TRMT11: variants seen among roughly 807,000 people sequenced by gnomAD.
The protein encoded by TRMT11 is tRNA methyltransferase 11.
TRMT11 carries 53 observed loss-of-function variants against 62.8 expected under a neutral mutation model. The observed-to-expected ratio is 0.84, with a 90% CI of 0.68 to 1.06. The LOEUF (loss-of-function observed/expected upper bound fraction) is 1.06, where lower values mean the gene tolerates loss of function less well. TRMT11 is among the 50% of genes least tolerant of loss of function. The pLI, the probability that TRMT11 is intolerant of heterozygous loss-of-function variation, is 0.00. For missense variants in TRMT11, 556 were observed against 553.4 expected (o/e 1.00, Z -0.05); for synonymous variants, 188 against 190.3 (o/e 0.99, Z 0.10).
the TRMT11 span, among the ~76,000 whole-genome samples, chr6:126,238,403 A>G: frequency 4.6e-5 from 7 of 151,878 alleles, no homozygotes; most frequent in African/African-American, 1.2e-4. Context: ...AGATTCTGGT[A>G]TGTTGTATCT....
intron 2 of TRMT11, among the ~76,000 whole-genome samples, chr6:125,995,322 G>C (rs960096018): frequency 1.3e-5 from 2 of 152,170 alleles, no homozygotes; most frequent in Non-Finnish European, 2.9e-5. Context: ...AATGAGGTCA[G>C]GATCCTTTTG....
chr6:126,069,403 T>C (rs1435397393), intron 17 of TRMT11, among the ~76,000 whole-genome samples: 1 of 152,254 alleles, frequency 6.6e-6, no homozygotes, highest in Non-Finnish European at 1.5e-5. Flanking sequence ...TCTGAAAATA[T>C]CCCCAAAGCA....
Position 125,987,427 on chromosome 6 carries a change from A to G in TRMT11, c.72+805A>G, listed in dbSNP as rs570566018. On this transcript the variant is annotated intron_variant, in intron 1 of 12. Transcript: ENST00000334379. ...AGTTATGTGGCAGAGTGGTAAGAAG[A>G]GAGCAAGGGAAGTAGATCGAGGCCA... Among the ~76,000 whole-genome samples, 12 of 152,334 alleles carry G rather than the reference A, an allele frequency of 7.9e-5. No individual in the cohort carries two copies. In the South Asian group the frequency reaches 2.5e-3, roughly 32 times the overall value.
chr6:125,999,468 A>G lies in TRMT11; in HGVS notation c.534A>G (p.Gly178=), dbSNP rs768939473. The part of the protein sequence containing the change: ...NIYFGRWIAD[G]QRELIESYSV... ...TATCTCTGATTTAGATTGCAGATGG[A>G]CAGAGAGAGCTTATTGAGTCATACA... Residue 178 remains glycine, a synonymous_variant, in exon 7 of 13, where the codon GGA becomes GGG. Transcript: ENST00000334379. 15 of 1,602,098 alleles carry G rather than the reference A, an allele frequency of 9.4e-6. No individual in the cohort carries two copies. The East Asian group carries it at 3.1e-4, about 34-fold the overall frequency.
chr6:126,131,565 C>T (rs1777783817), intron 21 of TRMT11, among the ~76,000 whole-genome samples: 1 of 151,954 alleles, frequency 6.6e-6, no homozygotes, highest in Non-Finnish European at 1.5e-5. Flanking sequence ...CAGACTGCCC[C>T]TCCTGGAGAC....
chr6:126,016,581 G>C (rs1795012298), intron 11 of TRMT11, among the ~76,000 whole-genome samples: 1 of 152,012 alleles, frequency 6.6e-6, no homozygotes, highest in South Asian at 2.1e-4. Flanking sequence ...TTTAAAAAGT[G>C]GCCACTGGAT....
chr6:126,065,041 A>G (rs1776647193), intron 17 of TRMT11, among the ~76,000 whole-genome samples: 1 of 152,212 alleles, frequency 6.6e-6, no homozygotes, highest in Admixed American at 6.5e-5. Context: ...GAGCATTTCC[A>G]TTCACAGCTG....
intron 21 of TRMT11, among the ~76,000 whole-genome samples, chr6:126,164,477 G>T (rs1310321441): frequency 6.6e-6 from 1 of 152,210 alleles, no homozygotes; most frequent in African/African-American, 2.4e-5. Flanking sequence ...GAGTTTTGTA[G>T]ATGTGTATTA....
chr6:126,190,495 A>G (rs1232004486), intron 1 of TRMT11, among the ~76,000 whole-genome samples: 2 of 152,096 alleles, frequency 1.3e-5, no homozygotes, highest in South Asian at 2.1e-4. Context: ...CCTCCCATCC[A>G]TGCTTTCTGT....
At chr6:126,094,936 C>T (rs375980062) in intron 17 of TRMT11, among the ~76,000 whole-genome samples, 40 of 152,214 alleles carry the variant, frequency 2.6e-4, no homozygotes, top group Non-Finnish European at 4.3e-4. Context: ...TGAAAGAAGC[C>T]GGCTTGAGAA....
intron 17 of TRMT11, among the ~76,000 whole-genome samples, chr6:126,055,924 T>A (rs1776361181): frequency 1.3e-5 from 2 of 152,214 alleles, no homozygotes; most frequent in African/African-American, 4.8e-5. Context: ...CTTCTTCTCC[T>A]TCTCGTGGGT....
chr6:126,020,787 T>A (rs1263636698), intron 11 of TRMT11, among the ~76,000 whole-genome samples: 1 of 152,244 alleles, frequency 6.6e-6, no homozygotes, highest in East Asian at 1.9e-4. Flanking sequence ...TATAAAAATC[T>A]ACAGATGAAT....
At chr6:126,035,225 T>C (rs967951896) in intron 12 of TRMT11, among the ~76,000 whole-genome samples, 5 of 152,108 alleles carry the variant, frequency 3.3e-5, no homozygotes, top group Non-Finnish European at 7.4e-5. Context: ...ATAGACATAC[T>C]GAGTGTTTCG....
chr6:126,051,993 G>A (rs1776233308), intron 16 of TRMT11, among the ~76,000 whole-genome samples: 1 of 152,128 alleles, frequency 6.6e-6, no homozygotes, highest in South Asian at 2.1e-4. Flanking sequence ...CCCCCAGCAT[G>A]ATATATATAT....
At chr6:126,270,711 G>T in the TRMT11 span, among the ~76,000 whole-genome samples, 1 of 152,060 alleles carries the variant, frequency 6.6e-6, no homozygotes, top group Non-Finnish European at 1.5e-5. Flanking sequence ...ATTGGATAAA[G>T]AATATTTTTT....
chr6:126,094,844 G>T (rs1777323432), intron 17 of TRMT11, among the ~76,000 whole-genome samples: 1 of 152,146 alleles, frequency 6.6e-6, no homozygotes, highest in Non-Finnish European at 1.5e-5. Flanking sequence ...TCTCATATGT[G>T]TTAACTCTAC....
chr6:126,091,767 T>G (rs1777279988), intron 17 of TRMT11, among the ~76,000 whole-genome samples: 1 of 152,158 alleles, frequency 6.6e-6, no homozygotes, highest in African/African-American at 2.4e-5. Context: ...GACATTGAAA[T>G]AGTAAAACTC....
intron 1 of TRMT11, among the ~76,000 whole-genome samples, chr6:126,189,044 G>A (rs1778563025): frequency 6.6e-6 from 1 of 152,074 alleles, no homozygotes; most frequent in Admixed American, 6.6e-5. Flanking sequence ...TTTATTTTGT[G>A]GATTGGGAGA....
At chr6:126,073,290 C>T (rs1776911411) in intron 17 of TRMT11, among the ~76,000 whole-genome samples, 1 of 152,134 alleles carries the variant, frequency 6.6e-6, no homozygotes, top group African/African-American at 2.4e-5. Flanking sequence ...GAGTGCACTC[C>T]TACAGTCTCT....
Sources: allele counts gnomAD v4.1 joint callset (sites outside exome capture counted in the v4.1 genomes callset), GRCh38; gene constraint gnomAD v4.1.1; transcripts MANE v1.5; gene names NCBI Gene and HGNC (gene_info 2026-07-23, HGNC 2026-07-21).